The following TPRG1 variants were observed in gnomAD, a reference collection of about 807,000 sequenced individuals.
TPRG1 encodes the protein tumor protein p63-regulated gene 1 protein.
A neutral mutation model predicts 29.3 loss-of-function variants in TPRG1; 29 were observed. The observed-to-expected ratio is 0.99, with a 90% confidence interval of 0.74 to 1.35. The LOEUF (loss-of-function observed/expected upper bound fraction) is 1.35. Ranked by LOEUF, TPRG1 falls within the 40% of genes most tolerant of loss-of-function variation. TPRG1 has a pLI of 0.00. For synonymous variants in TPRG1, 130 were observed against 116.8 expected (o/e 1.11, Z -0.73); for missense variants, 327 against 335.0 (o/e 0.98, Z 0.19).
chr3:189,143,473 A>C (rs1228979049), intron 3 of TPRG1, among the ~76,000 whole-genome samples: 2 of 152,188 alleles, frequency 1.3e-5, no homozygotes, highest in Non-Finnish European at 2.9e-5. Context: ...ATTGCAGCTG[A>C]CTAGAGAGCT....
intron 3 of TPRG1, among the ~76,000 whole-genome samples, chr3:189,016,169 G>A (rs1382304210): frequency 6.6e-6 from 1 of 152,148 alleles, no homozygotes; most frequent in Non-Finnish European, 1.5e-5. Flanking sequence ...TGGCATCAAT[G>A]TGGCCTTGAT....
At chr3:189,104,589 A>T (rs1376294325) in intron 1 of TPRG1, among the ~76,000 whole-genome samples, 2 of 151,880 alleles carry the variant, frequency 1.3e-5, no homozygotes, top group African/African-American at 2.4e-5. Flanking sequence ...CCCGATTTGT[A>T]CCTATAAGAG....
intron 4 of TPRG1, among the ~76,000 whole-genome samples, chr3:189,081,573 C>G (rs61292619): frequency 0.092 from 13,981 of 152,148 alleles, 820 homozygotes; most frequent in African/African-American, 0.17. Flanking sequence ...TTAAATGATA[C>G]AGAAAAGTTG....
intron 1 of TPRG1, among the ~76,000 whole-genome samples, chr3:189,197,480 T>C (rs1231342569): frequency 6.6e-6 from 1 of 152,166 alleles, no homozygotes; most frequent in Non-Finnish European, 1.5e-5. Context: ...CACTTTTCTG[T>C]CCCTTTTCTG....
intron 5 of TPRG1, among the ~76,000 whole-genome samples, chr3:189,154,745 C>T (rs899620873): frequency 1.3e-5 from 2 of 152,026 alleles, no homozygotes; most frequent in African/African-American, 4.8e-5. Flanking sequence ...GCCCAGCCTG[C>T]AGTGTACATT....
chr3:189,264,938 T>C (rs1381312187), intron 4 of TPRG1, among the ~76,000 whole-genome samples: 5 of 152,078 alleles, frequency 3.3e-5, no homozygotes, highest in Non-Finnish European at 5.9e-5. Context: ...CCAAGAAAAA[T>C]TGTAAACAGT....
At chr3:189,290,688 G>A (rs1363716901) in intron 4 of TPRG1, among the ~76,000 whole-genome samples, 1 of 152,222 alleles carries the variant, frequency 6.6e-6, no homozygotes, top group Non-Finnish European at 1.5e-5. Flanking sequence ...GACTATTGCA[G>A]GTGTAGAAGA....
chr3:189,244,159 A>G (rs965216306), intron 4 of TPRG1, among the ~76,000 whole-genome samples: 3 of 152,092 alleles, frequency 2.0e-5, no homozygotes, highest in Non-Finnish European at 4.4e-5. Context: ...GCCGTGTGCA[A>G]TGGCTCACAC....
At chr3:189,022,379 T>G (rs1713372435) in intron 3 of TPRG1, among the ~76,000 whole-genome samples, 1 of 148,374 alleles carries the variant, frequency 6.7e-6, no homozygotes, top group Admixed American at 6.8e-5. Context: ...ACTTTTGGTC[T>G]TTGATGATGG....
intron 4 of TPRG1, among the ~76,000 whole-genome samples, chr3:189,048,861 C>G (rs752709391): frequency 6.6e-6 from 1 of 152,208 alleles, no homozygotes; most frequent in Non-Finnish European, 1.5e-5. Flanking sequence ...CCGTCCGCAA[C>G]ACACACCCCC....
chr3:189,206,783 G>A (rs1734442650), intron 1 of TPRG1, among the ~76,000 whole-genome samples: 1 of 143,878 alleles, frequency 7.0e-6, no homozygotes, highest in Non-Finnish European at 1.5e-5. Context: ...TTACAGGCAT[G>A]AGTCACCATG....
At chr3:189,045,201 A>T (rs1714899005) in intron 4 of TPRG1, among the ~76,000 whole-genome samples, 1 of 152,212 alleles carries the variant, frequency 6.6e-6, no homozygotes, top group African/African-American at 2.4e-5. Context: ...ATGATATTTC[A>T]GTTTTAAGAA....
chr3:189,130,513 C>T (rs540783294), intron 2 of TPRG1, among the ~76,000 whole-genome samples: 7 of 152,320 alleles, frequency 4.6e-5, no homozygotes, highest in South Asian at 4.1e-4. Context: ...ATGGTCAAAA[C>T]GTAGCAGATT....
chr3:189,013,643 T>C (rs1437923629), intron 3 of TPRG1, among the ~76,000 whole-genome samples: 3 of 152,164 alleles, frequency 2.0e-5, no homozygotes, highest in African/African-American at 7.2e-5. Flanking sequence ...ACTATTATTG[T>C]GTGGGATTTG....
chr3:189,101,388 C>G (rs1018226442), intron 1 of TPRG1, among the ~76,000 whole-genome samples: 3 of 151,440 alleles, frequency 2.0e-5, no homozygotes, highest in African/African-American at 7.3e-5. Context: ...ATTCTTCCTG[C>G]AATTCAACAT....
At chr3:189,169,498 A>G (rs1019962581), upstream of TPRG1, among the ~76,000 whole-genome samples, 1 of 152,204 alleles carries the variant, frequency 6.6e-6, no homozygotes, top group South Asian at 2.1e-4. Flanking sequence ...GAGAAGAGAC[A>G]GGACACAGAG....
chr3:189,012,947 A>G (rs1712680098), intron 3 of TPRG1, among the ~76,000 whole-genome samples: 1 of 151,594 alleles, frequency 6.6e-6, no homozygotes. Flanking sequence ...CAGTTCCTGG[A>G]TTTGTTGATT....
At chr3:189,022,120 G>C (rs1329809733) in intron 3 of TPRG1, among the ~76,000 whole-genome samples, 1 of 152,022 alleles carries the variant, frequency 6.6e-6, no homozygotes, top group Non-Finnish European at 1.5e-5. Flanking sequence ...GGTTATTCTA[G>C]TTATACATTC....
intron 1 of TPRG1, among the ~76,000 whole-genome samples, chr3:189,124,540 T>TTGTATATG (rs1553907167): frequency 1.3e-5 from 2 of 149,962 alleles, no homozygotes; most frequent in African/African-American, 4.9e-5. Flanking sequence ...ACAAAGGACT[T>TTGTATATG]TGTGTGTGTG....
Sources: gnomAD v4.1 joint callset for allele counts (sites outside exome capture counted in the v4.1 genomes callset) on GRCh38, gnomAD v4.1.1 for gene constraint, MANE v1.5 for transcripts, NCBI Gene and HGNC (gene_info 2026-07-23, HGNC 2026-07-21) for gene names.